The following RRP12 variants were observed in gnomAD, a reference collection of about 807,000 sequenced individuals.
RRP12 encodes RRP12-like protein.
Under a neutral mutation model 157.3 loss-of-function variants are expected in RRP12, and 78 were observed. The observed-to-expected ratio is 0.50, with a 90% CI of 0.41 to 0.60. The LOEUF (loss-of-function observed/expected upper bound fraction) is 0.60. Ranked by LOEUF, RRP12 falls within the 20% of genes least tolerant of loss-of-function variation. The pLI, the probability that RRP12 is intolerant of heterozygous loss-of-function variation, is 0.00. For missense variants in RRP12, 1,521 were observed against 1,679.9 expected, an observed-to-expected ratio of 0.91 and a Z score of 1.65; for synonymous variants, 726 against 670.9, an observed-to-expected ratio of 1.08 and a Z score of -1.27.
chr10:97,389,655 G>A (rs532580084), intron 6 of RRP12, among the ~76,000 whole-genome samples: 15 of 152,284 alleles, frequency 9.9e-5, no homozygotes, highest in Admixed American at 8.5e-4. Flanking sequence ...CGCCAGGCCT[G>A]TGGGGAACAC....
intron 8 of RRP12, among the ~76,000 whole-genome samples, 189 bp from the exon 9 acceptor site, chr10:97,386,182 TAAAC>T (rs1270496784): frequency 6.6e-6 from 1 of 151,636 alleles, no homozygotes; most frequent in East Asian, 1.9e-4. Context: ...TTAAATGTCT[TAAAC>T]AAAGATAGAA....
rs1564773944 is a variant in RRP12 at position 97,400,320 on chromosome 10, C to G, written c.354G>C (p.Ser118=). 1 of 1,613,968 alleles carries G rather than the reference C, an allele frequency of 6.2e-7. No homozygotes were observed. Among genetic ancestry groups the G allele is most frequent in the Non-Finnish European group, 8.5e-7 (1 of 1,179,948 alleles). The change falls in exon 2 of 34, where the codon TCG becomes TCC. Residue 118 remains serine (S), a synonymous_variant. Coordinates refer to ENST00000370992, the MANE Select transcript of RRP12 (RefSeq NM_015179.4). ...SKVQRFWESN[S]AAHKEICAVL... is the part of the protein sequence containing the mutation. ...TCGCCCCTACCTCCTTGTGGGCAGC[C>G]GAGTTGGACTCCCAGAAGCGCTGTA... is the stretch of plus-strand genomic sequence containing the variant.
chr10:97,358,395 T>G, intron 33 of RRP12, 142 bp downstream of exon 33: 2 of 685,356 alleles, frequency 2.9e-6, no homozygotes, highest in African/African-American at 1.8e-5. Context: ...AGCTACATGA[T>G]ATAGGTGCAT....
At chr10:97,387,335 CTTTTT>C (rs34534343) in intron 8 of RRP12, among the ~76,000 whole-genome samples, 1 of 137,926 alleles carries the variant, frequency 7.3e-6, no homozygotes, top group Admixed American at 7.3e-5. Flanking sequence ...TTTCTTTTTC[CTTTTT>C]TTTTTTTTTT....
chr10:97,370,361 C>T, intron 23 of RRP12, 87 bp from the exon 24 acceptor site: 1 of 1,363,010 alleles, frequency 7.3e-7, no homozygotes, highest in Non-Finnish European at 1.0e-6. Context: ...CTGCCCAGGG[C>T]CAGGGCACAG....
chr10:97,366,888 C>T lies in RRP12; in HGVS notation c.3069G>A (p.Leu1023=), dbSNP rs749981567. ...GGACTCTGTGGTACTCCTCGGGCAACAGCCTTTTCACCAGCTCAAATCTGG... is the reference window on the plus strand; with the variant it reads ...GGACTCTGTGGTACTCCTCGGGCAATAGCCTTTTCACCAGCTCAAATCTGG... ...RKFGFELVKR[L]LPEEYHRVLV... Residue 1023 remains leucine, a synonymous_variant, in exon 27 of 34, where the codon CTG becomes CTA. Coordinates refer to ENST00000370992, the MANE Select transcript of RRP12 (RefSeq NM_015179.4). 4 of 1,613,772 alleles carry T rather than the reference C, an allele frequency of 2.5e-6. No homozygotes were observed. The South Asian group carries it at 3.3e-5, about 13-fold the overall frequency.
At chr10:97,387,705 T>C (rs1403429133) in intron 8 of RRP12, among the ~76,000 whole-genome samples, 2 of 149,742 alleles carry the variant, frequency 1.3e-5, no homozygotes, top group Admixed American at 6.7e-5. Context: ...CTTTGGGAGG[T>C]TGAGGCGGGC....
At chr10:97,373,932 C>A (rs1483808894) in intron 15 of RRP12, 38 bp from the exon 16 acceptor site, 1 of 1,588,568 alleles carries the variant, frequency 6.3e-7, no homozygotes, top group Non-Finnish European at 8.6e-7. Context: ...GAGCCCAGCA[C>A]CCTCCTGGCC....
intron 2 of RRP12, among the ~76,000 whole-genome samples, chr10:97,399,261 G>A (rs10882923): frequency 0.38 from 57,399 of 152,002 alleles, 11,265 homozygotes; most frequent in African/African-American, 0.49. Context: ...CAACAAGAGC[G>A]AAACTCCGGC....
chr10:97,381,895 G>A (rs1478133060), intron 10 of RRP12, 69 bp from the exon 11 acceptor site: 5 of 1,080,370 alleles, frequency 4.6e-6, no homozygotes, highest in Non-Finnish European at 6.9e-6. Flanking sequence ...AGGGCTCAGG[G>A]CTGAGACGGC....
intron 30 of RRP12, among the ~76,000 whole-genome samples, chr10:97,360,918 G>T (rs995236081): frequency 2.0e-5 from 3 of 152,190 alleles, no homozygotes; most frequent in Non-Finnish European, 4.4e-5. Context: ...TTGCCCAGAG[G>T]GCTTCTGACA....
At chr10:97,367,840 T>C (rs1252952320) in intron 25 of RRP12, among the ~76,000 whole-genome samples, 1 of 152,148 alleles carries the variant, frequency 6.6e-6, no homozygotes, top group Non-Finnish European at 1.5e-5. Flanking sequence ...CAAGCAATTC[T>C]CCTGCCTCAG....
rs370734336 is a variant in RRP12, at chr10:97,366,856, T to C, written c.3101A>G (p.Asn1034Ser). The C allele has an allele frequency of 2.3e-5, 37 of 1,614,060 alleles. 1 individual carries two copies. The South Asian group carries it at 3.2e-4, about 14-fold the overall frequency. Residue 1034 changes from asparagine to serine, a missense_variant, in exon 27 of 34, where the codon AAC becomes AGC. Physicochemically the swap from Asn to Ser is conservative, Grantham distance 46 (BLOSUM62 1). Transcript: ENST00000370992. ...LPEEYHRVLV[N>S]IRKAEARAKR... Reference sequence around the variant, plus strand: ...GGCCCGGGCCTCAGCTTTCCGGATGTTGACCAGGACTCTGTGGTACTCCTC... The same window carrying C: ...GGCCCGGGCCTCAGCTTTCCGGATGCTGACCAGGACTCTGTGGTACTCCTC...
At chr10:97,371,467 A>G in intron 20 of RRP12, 1 of 224,852 alleles carries the variant, frequency 4.4e-6, no homozygotes, top group Non-Finnish European at 8.9e-6. Flanking sequence ...CACTCCCCCA[A>G]CCCCCAACGC....
At chr10:97,374,021 A>T (rs1844235662) in intron 15 of RRP12, 127 bp from the exon 16 acceptor site, 1 of 712,290 alleles carries the variant, frequency 1.4e-6, no homozygotes, top group Middle Eastern at 2.3e-4. Context: ...CATCTCCATG[A>T]ATTAAATCAT....
At chr10:97,391,158 C>A (rs1844792597) in intron 4 of RRP12, among the ~76,000 whole-genome samples, 1 of 152,254 alleles carries the variant, frequency 6.6e-6, no homozygotes, top group African/African-American at 2.4e-5. Context: ...CTGCCACTCA[C>A]TGCTCCAGGA....
rs552948561 is a variant in RRP12, at chr10:97,379,509, C to G, written c.1677-95G>C. 2.4e-5 allele frequency: 38 copies of G among 1,590,838 alleles called. No homozygotes were observed. In the South Asian group the frequency reaches 4.1e-4, roughly 17 times the overall value. On this transcript the variant is annotated intron_variant, in intron 14 of 33. Coordinates refer to ENST00000370992, the MANE Select transcript of RRP12 (RefSeq NM_015179.4). ...AGCCCAGGACAGAGTAAGACCTCCT[C>G]TGGCCCCTCCTGCTGAGCCCTGCAC...
intron 1 of RRP12, 115 bp downstream of exon 1, chr10:97,400,976 TAA>T: frequency 1.6e-6 from 2 of 1,288,012 alleles, no homozygotes; most frequent in East Asian, 5.1e-5. Flanking sequence ...TCCGACATCC[TAA>T]GAGACGAAAG....
At chr10:97,379,576 G>A in intron 14 of RRP12, 52 bp downstream of exon 14, 4 of 1,605,088 alleles carry the variant, frequency 2.5e-6, no homozygotes, top group East Asian at 2.2e-5. Context: ...TCCTTTCCAG[G>A]GGAGAGAACA....
Sources: gnomAD v4.1 joint callset for allele counts (sites outside exome capture counted in the v4.1 genomes callset) on GRCh38, gnomAD v4.1.1 for gene constraint, MANE v1.5 for transcripts, NCBI Gene and HGNC (gene_info 2026-07-23, HGNC 2026-07-21) for gene names.